The following ATP10B variants were observed in gnomAD, a reference collection of about 807,000 sequenced individuals.
ATP10B encodes the protein ATPase phospholipid transporting 10B (putative).
A neutral mutation model predicts 141.2 loss-of-function variants in ATP10B; 122 were observed. The ratio of observed to expected loss-of-function variants is 0.86; its 90% CI spans 0.75 to 1.00. The LOEUF (loss-of-function observed/expected upper bound fraction) is 1.00. Among genes scored for constraint, ATP10B ranks in the 50% least tolerant of loss-of-function variants. ATP10B has a pLI of 0.00. For synonymous variants in ATP10B, 685 were observed against 692.0 expected (o/e 0.99, Z 0.16); for missense variants, 1,876 against 1,825.3 (o/e 1.03, Z -0.51).
At chr5:160,644,968 T>G (rs1050716122) in intron 8 of ATP10B, among the ~76,000 whole-genome samples, 1 of 151,758 alleles carries the variant, frequency 6.6e-6, no homozygotes, top group Non-Finnish European at 1.5e-5. Flanking sequence ...ATACAAAAAA[T>G]TAGTCAGGCA....
At chr5:160,614,033 G>A (rs1479901575) in intron 17 of ATP10B, 1 of 151,804 alleles carries the variant, frequency 6.6e-6, no homozygotes, top group Non-Finnish European at 1.5e-5. Context: ...TTTTAGTGGT[G>A]TGCCAATTTC....
the ATP10B span, among the ~76,000 whole-genome samples, chr5:160,912,222 T>C: frequency 6.6e-6 from 1 of 151,908 alleles, no homozygotes; most frequent in Non-Finnish European, 1.5e-5. Flanking sequence ...TAATGAAGAA[T>C]AAGTTACCCA....
At chr5:160,926,220 T>C in the ATP10B span, among the ~76,000 whole-genome samples, 1 of 152,168 alleles carries the variant, frequency 6.6e-6, no homozygotes, top group Non-Finnish European at 1.5e-5. Context: ...TCAGTAAAAG[T>C]TCACTGCTGA....
intron 1 of ATP10B, among the ~76,000 whole-genome samples, chr5:160,806,953 G>A (rs533895327): frequency 2.0e-5 from 3 of 152,136 alleles, no homozygotes; most frequent in African/African-American, 7.2e-5. Flanking sequence ...GGTCAACAGA[G>A]TGCAAATGAA....
chr5:160,659,544 G>A (rs113810871), intron 7 of ATP10B, among the ~76,000 whole-genome samples: 31 of 152,030 alleles, frequency 2.0e-4, no homozygotes, highest in African/African-American at 7.0e-4. Flanking sequence ...GAGTTTCCTC[G>A]TAAGGCTCTA....
chr5:160,811,022 G>A (rs940941726), intron 1 of ATP10B, among the ~76,000 whole-genome samples: 2 of 152,130 alleles, frequency 1.3e-5, no homozygotes, highest in African/African-American at 2.4e-5. Context: ...TTTGAGTCCC[G>A]CTTTGCAGGA....
At chr5:160,728,356 A>G (rs1039419918) in intron 2 of ATP10B, among the ~76,000 whole-genome samples, 4 of 152,286 alleles carry the variant, frequency 2.6e-5, no homozygotes, top group African/African-American at 9.6e-5. Context: ...ACCTCTATTG[A>G]TTGAGATCTT....
intron 24 of ATP10B, among the ~76,000 whole-genome samples, chr5:160,586,727 G>A (rs1755928420): frequency 6.6e-6 from 1 of 152,310 alleles, no homozygotes; most frequent in East Asian, 1.9e-4. Context: ...AATGATCAGT[G>A]ATGTTGAGCT....
chr5:160,694,612 A>C (rs768069470), intron 3 of ATP10B, among the ~76,000 whole-genome samples: 10 of 152,156 alleles, frequency 6.6e-5, no homozygotes, highest in Non-Finnish European at 1.3e-4. Flanking sequence ...TCACATTTCC[A>C]ATTGACTCCA....
chr5:160,813,270 G>A (rs542172877), intron 1 of ATP10B, among the ~76,000 whole-genome samples: 3 of 152,312 alleles, frequency 2.0e-5, no homozygotes, highest in Admixed American at 6.5e-5. Flanking sequence ...CTGGAAAATC[G>A]GGTCACTCCC....
intron 1 of ATP10B, among the ~76,000 whole-genome samples, chr5:160,848,798 T>A (rs1581650210): frequency 1.3e-5 from 2 of 152,240 alleles, no homozygotes; most frequent in South Asian, 2.1e-4. Context: ...AGGGAAAACT[T>A]TTACTATGTG....
the ATP10B span, among the ~76,000 whole-genome samples, chr5:160,893,294 T>A: frequency 1.3e-5 from 2 of 152,174 alleles, no homozygotes; most frequent in Non-Finnish European, 2.9e-5. Flanking sequence ...TAAGATCTAC[T>A]GGCTTGAAAT....
the ATP10B span, among the ~76,000 whole-genome samples, chr5:160,902,165 T>C: frequency 6.6e-6 from 1 of 152,136 alleles, no homozygotes; most frequent in Non-Finnish European, 1.5e-5. Flanking sequence ...CAAAACCAAA[T>C]GGTAGTTTTA....
At chr5:160,814,547 T>A (rs1461946084) in intron 1 of ATP10B, among the ~76,000 whole-genome samples, 1 of 146,868 alleles carries the variant, frequency 6.8e-6, no homozygotes, top group Non-Finnish European at 1.5e-5. Flanking sequence ...CGGACCCAAG[T>A]AGGAAAACCC....
At chr5:160,669,138 G>A (rs190049547) in intron 7 of ATP10B, among the ~76,000 whole-genome samples, 77 of 152,312 alleles carry the variant, frequency 5.1e-4, no homozygotes, top group South Asian at 1.0e-3. Flanking sequence ...TAAAGAAAGG[G>A]ACCATATTGG....
intron 12 of ATP10B, chr5:160,632,624 T>G (rs1409951915): frequency 2.1e-5 from 4 of 193,472 alleles, no homozygotes; most frequent in South Asian, 1.7e-4. Context: ...TCAGAGGTTT[T>G]TTTTTTTTTT....
the ATP10B span, among the ~76,000 whole-genome samples, chr5:160,880,877 T>C: frequency 6.6e-6 from 1 of 152,128 alleles, no homozygotes. Context: ...ACCCCAGGTA[T>C]GGTGATGACT....
intron 7 of ATP10B, among the ~76,000 whole-genome samples, chr5:160,664,086 A>G (rs1762161143): frequency 6.6e-6 from 1 of 152,214 alleles, no homozygotes; most frequent in South Asian, 2.1e-4. Context: ...AGAATCCTAG[A>G]AAATGTGATC....
chr5:160,837,152 G>A (rs1775495664), intron 1 of ATP10B, among the ~76,000 whole-genome samples: 1 of 152,012 alleles, frequency 6.6e-6, no homozygotes, highest in Non-Finnish European at 1.5e-5. Flanking sequence ...ACTACAAATT[G>A]TTTGGTTATT....
Sources: allele counts gnomAD v4.1 joint callset (sites outside exome capture counted in the v4.1 genomes callset), GRCh38; gene constraint gnomAD v4.1.1; transcripts MANE v1.5; gene names NCBI Gene and HGNC (gene_info 2026-07-23, HGNC 2026-07-21).